HMCN1: variants seen among roughly 807,000 people sequenced by gnomAD.
HMCN1 encodes hemicentin 1.
Under a neutral mutation model 625.9 loss-of-function variants are expected in HMCN1, and 321 were observed. The ratio of observed to expected loss-of-function variants is 0.51; its 90% CI spans 0.47 to 0.56. The LOEUF (loss-of-function observed/expected upper bound fraction) is 0.56, where lower values mean the gene tolerates loss of function less well. Ranked by LOEUF, HMCN1 falls within the 20% of genes least tolerant of loss-of-function variation. The probability of loss-of-function intolerance (pLI) is 0.00; values close to 1 mark genes in which losing one functional copy is unlikely to be tolerated. For missense variants in HMCN1, 6,588 were observed against 6,887.3 expected (o/e 0.96, Z 1.54); for synonymous variants, 2,425 against 2,417.6 (o/e 1.00, Z -0.09).
intron 103 of HMCN1, among the ~76,000 whole-genome samples, chr1:186,176,399 A>G (rs1230551827): frequency 6.6e-6 from 1 of 152,244 alleles, no homozygotes; most frequent in Non-Finnish European, 1.5e-5. Context: ...AATACAAACT[A>G]GAGATGTGAT....
intron 64 of HMCN1, among the ~76,000 whole-genome samples, chr1:186,092,520 TG>T (rs1037691171): frequency 1.1e-4 from 16 of 152,132 alleles, no homozygotes; most frequent in African/African-American, 3.9e-4. Context: ...CAGGAAATTT[TG>T]ATTTGTAATT....
chr1:186,058,932 A>C (rs1202738572), intron 46 of HMCN1, among the ~76,000 whole-genome samples: 1 of 152,024 alleles, frequency 6.6e-6, no homozygotes, highest in Admixed American at 6.6e-5. Flanking sequence ...TTTATTGTCT[A>C]TAATACTCAC....
intron 4 of HMCN1, among the ~76,000 whole-genome samples, chr1:185,881,182 C>T (rs1039184924): frequency 2.3e-4 from 35 of 152,324 alleles, no homozygotes; most frequent in African/African-American, 7.0e-4. Flanking sequence ...GACAGCCTTT[C>T]ATATTTGCAC....
Position 186,023,169 on chromosome 1 carries a change from C to CAG in HMCN1, c.5749+17_5749+18insGA, listed in dbSNP as rs1254292386. On this transcript the variant is annotated intron_variant, in intron 36 of 106. Coordinates refer to ENST00000271588, the MANE Select transcript of HMCN1 (RefSeq NM_031935.3). ...CATGTTCATGGTAATGTAATTTCTA[C>CAG]ACCTTAACAAAAGAATATTTGTATC... The CAG allele has an allele frequency of 1.2e-6, 2 of 1,608,600 alleles. No homozygotes were observed. Among genetic ancestry groups the CAG allele is most frequent in the African/African-American group, 1.3e-5 (1 of 74,706 alleles).
At chr1:185,792,551 AT>A (rs199927305) in intron 1 of HMCN1, among the ~76,000 whole-genome samples, 2 of 152,156 alleles carry the variant, frequency 1.3e-5, no homozygotes, top group Non-Finnish European at 2.9e-5. Flanking sequence ...TTCTTTGTGC[AT>A]TTTTAAAAAA....
At chr1:185,846,366 G>T (rs1366499201) in intron 2 of HMCN1, among the ~76,000 whole-genome samples, 1 of 152,106 alleles carries the variant, frequency 6.6e-6, no homozygotes, top group Non-Finnish European at 1.5e-5. Context: ...GTGGCAGATT[G>T]GTCCCTTTAA....
chr1:186,086,933 A>G (rs1340016044), intron 58 of HMCN1, among the ~76,000 whole-genome samples: 6 of 152,114 alleles, frequency 3.9e-5, no homozygotes, highest in Admixed American at 6.6e-5. Flanking sequence ...TGACCATAGT[A>G]CAATTACTAT....
chr1:185,768,773 C>A (rs1656038288), intron 1 of HMCN1, among the ~76,000 whole-genome samples: 1 of 151,834 alleles, frequency 6.6e-6, no homozygotes, highest in African/African-American at 2.4e-5. Flanking sequence ...TAGTAGGACC[C>A]CATCTCTATT....
chr1:185,949,418 G>C (rs1335991189), intron 11 of HMCN1, among the ~76,000 whole-genome samples: 1 of 151,866 alleles, frequency 6.6e-6, no homozygotes, highest in African/African-American at 2.4e-5. Context: ...CCGAGAACAG[G>C]CCTGAATTCT....
chr1:185,833,345 G>A (rs1323826432), intron 1 of HMCN1, among the ~76,000 whole-genome samples: 1 of 152,088 alleles, frequency 6.6e-6, no homozygotes, highest in Non-Finnish European at 1.5e-5. Context: ...ACATTATTAA[G>A]AAGACATCAT....
intron 4 of HMCN1, among the ~76,000 whole-genome samples, chr1:185,871,698 G>C (rs769316165): frequency 6.6e-6 from 1 of 152,134 alleles, no homozygotes; most frequent in Non-Finnish European, 1.5e-5. Context: ...ATAGATTAGA[G>C]ATTACTGGAC....
chr1:185,989,793 T>TTC (rs1351549733), intron 21 of HMCN1, 146 bp downstream of exon 21: 27 of 715,940 alleles, frequency 3.8e-5, no homozygotes, highest in Non-Finnish European at 5.5e-5. Flanking sequence ...TTTTTTTTTT[T>TTC]ACAGAAATGC....
intron 4 of HMCN1, among the ~76,000 whole-genome samples, chr1:185,882,905 A>G (rs558625024): frequency 1.4e-4 from 21 of 152,218 alleles, no homozygotes; most frequent in Middle Eastern, 6.8e-3. Context: ...GTCCTCCATC[A>G]TAGCTGACTC....
rs1207982844 is a variant in HMCN1 at position 186,131,080 on chromosome 1, T to G, written c.13230+383T>G. Among the ~76,000 whole-genome samples, 3 of 152,176 alleles carry G rather than the reference T, an allele frequency of 2.0e-5. No individual in the cohort carries two copies. The South Asian group carries it at 6.2e-4, about 32-fold the overall frequency. On this transcript the variant is annotated intron_variant, in intron 85 of 106. Transcript: ENST00000271588. Reference sequence around the variant, plus strand: ...AAAGTTCAGTAATTCAGAAAATAAGTGGTGCTTTGGTTTATTATTCTAGTT... The same window carrying G: ...AAAGTTCAGTAATTCAGAAAATAAGGGGTGCTTTGGTTTATTATTCTAGTT...
rs139379114 is a variant in HMCN1, at chr1:185,882,621, C to T, written c.621+16758C>T. On this transcript the variant is annotated intron_variant, in intron 4 of 106. Coordinates refer to ENST00000271588, the MANE Select transcript of HMCN1 (RefSeq NM_031935.3). ...TGTAAGCCTGGAAGTCACCATTTTC[C>T]CACTTCAGAAATTATAATATAAAGA... Among the ~76,000 whole-genome samples the T allele has an allele frequency of 8.6e-5, 13 of 151,876 alleles. No homozygotes were observed. The East Asian group carries it at 2.5e-3, about 29-fold the overall frequency.
At chr1:185,808,940 A>G (rs1308059293) in intron 1 of HMCN1, among the ~76,000 whole-genome samples, 1 of 152,206 alleles carries the variant, frequency 6.6e-6, no homozygotes, top group African/African-American at 2.4e-5. Context: ...ATGGAGAGCT[A>G]TTAATTTATA....
intron 11 of HMCN1, among the ~76,000 whole-genome samples, chr1:185,940,968 G>T (rs1243917710): frequency 6.6e-6 from 1 of 152,052 alleles, no homozygotes; most frequent in Non-Finnish European, 1.5e-5. Context: ...CTCCATGTTG[G>T]TCAGGCTAGT....
In HMCN1 at chr1:185,892,178, C is replaced by T. The variant is rs866221880; in HGVS notation, c.622-17159C>T. ...CAGCTCCATCAGCTCCTTTAAGCAC[C>T]TCTCTGTATTGGTTATTCTAGTTAT... On this transcript the variant is annotated intron_variant, in intron 4 of 106. Transcript: ENST00000271588. Among the ~76,000 whole-genome samples the T allele has an allele frequency of 3.5e-3, 492 of 141,812 alleles. 6 individuals are homozygous for T. The highest frequency in any genetic ancestry group is 0.014 in the African/African-American group (457 of 31,634). 93.0% of individuals were successfully genotyped at this position (141,812 alleles called of 152,430 possible). A position where few individuals can be genotyped will look rare whatever the true frequency, so the allele number is the denominator to read the frequency against.
intron 4 of HMCN1, among the ~76,000 whole-genome samples, chr1:185,871,085 T>G (rs941222488): frequency 2.6e-5 from 4 of 152,032 alleles, no homozygotes; most frequent in African/African-American, 9.7e-5. Context: ...AAAAATTAGC[T>G]GGGCATGGTG....
Sources: allele counts gnomAD v4.1 joint callset (sites outside exome capture counted in the v4.1 genomes callset), GRCh38; gene constraint gnomAD v4.1.1; transcripts MANE v1.5; gene names NCBI Gene and HGNC (gene_info 2026-07-23, HGNC 2026-07-21).